The following ZSCAN5A variants were observed in gnomAD, a reference collection of about 807,000 sequenced individuals.
The protein encoded by ZSCAN5A is zinc finger and SCAN domain containing 5A, also known as zinc finger and SCAN domain-containing protein 5A.
Under a neutral mutation model 23.7 loss-of-function variants are expected in ZSCAN5A, and 12 were observed. That is an observed-to-expected ratio of 0.51 (90% confidence interval 0.32 to 0.82). The LOEUF (loss-of-function observed/expected upper bound fraction) is 0.82. Ranked by LOEUF, ZSCAN5A falls within the 40% of genes least tolerant of loss-of-function variation. ZSCAN5A has a pLI of 0.03. For missense variants in ZSCAN5A, 597 were observed against 617.9 expected, an observed-to-expected ratio of 0.97 and a Z score of 0.36; for synonymous variants, 257 against 239.9, an observed-to-expected ratio of 1.07 and a Z score of -0.66.
intron 4 of ZSCAN5A, among the ~76,000 whole-genome samples, chr19:56,223,114 A>G (rs2146383734): frequency 6.6e-6 from 1 of 152,190 alleles, no homozygotes; most frequent in East Asian, 1.9e-4. Flanking sequence ...ACCCTGCTGG[A>G]GGGGGCGCTC....
At chr19:56,256,515 T>G (rs906268206) in intron 2 of ZSCAN5A, among the ~76,000 whole-genome samples, 4 of 152,200 alleles carry the variant, frequency 2.6e-5, no homozygotes, top group Admixed American at 2.0e-4. Context: ...TAATATGTAG[T>G]GCATGTCCTT....
In ZSCAN5A at chr19:56,261,411, C is replaced by G. The variant is rs189126601; in HGVS notation, c.-127-36238G>C. 9.3e-4 allele frequency among the ~76,000 whole-genome samples: 142 copies of G among 152,292 alleles called. 2 individuals carry two copies. Among genetic ancestry groups the G allele is most frequent in the Non-Finnish European group, 5.0e-4 (34 of 68,024 alleles). On this transcript the variant is annotated intron_variant, in intron 2 of 5. Transcript: ENST00000683990. ...GAGGACTTCCTGAAGGAAGTGACAT[C>G]TGAGCTGGGACTTTCCCTTAGCTCA...
At position 56,273,674 on chromosome 19, in the gene ZSCAN5A, C is replaced by T. The variant is rs562530055; in HGVS notation, c.-128+39609G>A. On this transcript the variant is annotated intron_variant, in intron 2 of 5. Transcript: ENST00000683990. ...CTGAGTCCCTCCATCAGAGAGAGGC[C>T]GGTGTGTCAGGAACGTGGTAGGCAG... is the stretch of plus-strand genomic sequence containing the variant. 3.9e-4 allele frequency among the ~76,000 whole-genome samples: 60 copies of T among 152,072 alleles called. 1 individual carries two copies. The highest frequency in any genetic ancestry group is 3.4e-3 in the Middle Eastern group (1 of 294).
chr19:56,366,422 C>CAAAAAAAAAAAAAAAAAA (rs34420866), intron 1 of ZSCAN5A, among the ~76,000 whole-genome samples: 1 of 83,170 alleles, frequency 1.2e-5, no homozygotes, highest in Non-Finnish European at 2.8e-5. Flanking sequence ...GACTCTGTCT[C>CAAAAAAAAAAAAAAAAAA]AAAAAAAAAA....
At chr19:56,278,537 GAGAGAC>G (rs2038439274) in intron 2 of ZSCAN5A, among the ~76,000 whole-genome samples, 1 of 152,238 alleles carries the variant, frequency 6.6e-6, no homozygotes, top group Non-Finnish European at 1.5e-5. Flanking sequence ...GAGTTCTCCA[GAGAGAC>G]AGAACCATGA....
intron 2 of ZSCAN5A, among the ~76,000 whole-genome samples, chr19:56,329,329 A>G (rs1229362010): frequency 2.0e-5 from 3 of 152,096 alleles, no homozygotes; most frequent in Non-Finnish European, 4.4e-5. Flanking sequence ...AGCCTGGGTG[A>G]CAGAGCCAGG....
chr19:56,334,273 C>T (rs1265330833), intron 2 of ZSCAN5A, among the ~76,000 whole-genome samples: 1 of 152,162 alleles, frequency 6.6e-6, no homozygotes, highest in African/African-American at 2.4e-5. Context: ...GGACTATAGA[C>T]CACCCCACTG....
chr19:56,352,573 G>T lies in ZSCAN5A; in HGVS notation c.-358+10662C>A, dbSNP rs1183142436. Among the ~76,000 whole-genome samples, 1 of 152,224 alleles carries T rather than the reference G, an allele frequency of 6.6e-6. No homozygotes were observed. Among genetic ancestry groups the T allele is most frequent in the African/African-American group, 2.4e-5 (1 of 41,460 alleles). On this transcript the variant is annotated intron_variant, in intron 2 of 6. Coordinates refer to the ZSCAN5A transcript ENST00000587340. The surrounding 1 kb of genome is among the most constrained non-coding windows in gnomAD (Gnocchi z 4.2). ...CAAGACAATTGCAACAGGGGAGAGA[G>T]ACCCAACTCTGAATATAGCAATGAT...
intron 2 of ZSCAN5A, among the ~76,000 whole-genome samples, chr19:56,326,772 C>T (rs1382386973): frequency 6.6e-6 from 1 of 152,150 alleles, no homozygotes; most frequent in East Asian, 1.9e-4. Context: ...TGATTTCCAT[C>T]ATGGGCCCTA....
intron 2 of ZSCAN5A, among the ~76,000 whole-genome samples, chr19:56,266,992 T>C (rs892911830): frequency 6.6e-6 from 1 of 152,188 alleles, no homozygotes; most frequent in Non-Finnish European, 1.5e-5. Flanking sequence ...ATCTTCTTTC[T>C]GCGTGTCAAA....
chr19:56,234,243 C>A (rs548210254), intron 2 of ZSCAN5A, among the ~76,000 whole-genome samples: 1 of 152,338 alleles, frequency 6.6e-6, no homozygotes, highest in Non-Finnish European at 1.5e-5. Flanking sequence ...GAAGAAACTA[C>A]TGAAGAGGAA....
intron 2 of ZSCAN5A, among the ~76,000 whole-genome samples, chr19:56,353,905 G>A (rs2041685442): frequency 6.6e-6 from 1 of 152,230 alleles, no homozygotes; most frequent in East Asian, 1.9e-4. Context: ...TCCATCGACA[G>A]ATGAACAGAT....
At chr19:56,240,038 T>TCATG (rs1157907642) in intron 2 of ZSCAN5A, among the ~76,000 whole-genome samples, 2 of 152,104 alleles carry the variant, frequency 1.3e-5, no homozygotes, top group Non-Finnish European at 2.9e-5. Context: ...GGCGGGCACC[T>TCATG]GTAATCCCAG....
chr19:56,239,016 A>G (rs941145582), intron 2 of ZSCAN5A, among the ~76,000 whole-genome samples: 2 of 152,236 alleles, frequency 1.3e-5, no homozygotes, highest in Admixed American at 1.3e-4. Context: ...AGTATGAGAA[A>G]ATGCATCAGG....
At chr19:56,295,186 T>C (rs1010845123) in intron 2 of ZSCAN5A, 1 of 152,198 alleles carries the variant, frequency 6.6e-6, no homozygotes, top group East Asian at 1.9e-4. Flanking sequence ...TATATTAATA[T>C]ACCAGTCAAG....
At chr19:56,328,805 C>T (rs1345315504) in intron 2 of ZSCAN5A, among the ~76,000 whole-genome samples, 2 of 147,854 alleles carry the variant, frequency 1.4e-5, no homozygotes, top group East Asian at 2.0e-4. Flanking sequence ...ATCGAGACCA[C>T]GGTGAAACCC....
intron 2 of ZSCAN5A, among the ~76,000 whole-genome samples, chr19:56,229,523 G>A (rs1421545816): frequency 6.6e-6 from 1 of 152,184 alleles, no homozygotes. Flanking sequence ...AAATGAGTTA[G>A]AGTTAAGAAT....
intron 2 of ZSCAN5A, among the ~76,000 whole-genome samples, chr19:56,312,963 C>T (rs775076700): frequency 7.9e-5 from 12 of 152,338 alleles, no homozygotes; most frequent in South Asian, 2.1e-4. Flanking sequence ...GCGCCAGTTA[C>T]TGTTACTGCT....
At chr19:56,268,806 C>G (rs1476435384) in intron 2 of ZSCAN5A, among the ~76,000 whole-genome samples, 1 of 152,116 alleles carries the variant, frequency 6.6e-6, no homozygotes, top group Non-Finnish European at 1.5e-5. Flanking sequence ...TCCTAGTCCC[C>G]GACAACCACT....
Sources: allele counts gnomAD v4.1 joint callset (sites outside exome capture counted in the v4.1 genomes callset), GRCh38; gene constraint gnomAD v4.1.1; non-coding constraint Gnocchi (gnomAD v3.1); transcripts MANE v1.5; gene names NCBI Gene and HGNC (gene_info 2026-07-23, HGNC 2026-07-21).